The following RIOK2 variants were observed in gnomAD, a reference collection of about 807,000 sequenced individuals.
The protein encoded by RIOK2 is serine/threonine-protein kinase RIO2.
Under a neutral mutation model 62.4 loss-of-function variants are expected in RIOK2, and 46 were observed. The observed-to-expected ratio is 0.74, with a 90% confidence interval of 0.58 to 0.94. The LOEUF (loss-of-function observed/expected upper bound fraction) is 0.94, where lower values mean the gene tolerates loss of function less well. RIOK2 is among the 40% of genes least tolerant of loss of function. The pLI is 0.00. For synonymous variants in RIOK2, 197 were observed against 216.0 expected, an observed-to-expected ratio of 0.91 and a Z score of 0.77; for missense variants, 574 against 658.0, an observed-to-expected ratio of 0.87 and a Z score of 1.40.
In RIOK2 at chr5:97,165,045, A is replaced by AC. The variant is rs1561515252; in HGVS notation, c.1494+5dup. 1.3e-6 allele frequency: 2 copies of AC among 1,576,392 alleles called. No homozygotes were observed. Among genetic ancestry groups the AC allele is most frequent in the South Asian group, 2.3e-5 (2 of 87,382 alleles). Reference sequence around the variant, plus strand: ...AACATTCAGTACATGTTGAATGACTACTTACTGGAGGAATTGTTGAACAGC... The same window carrying AC: ...AACATTCAGTACATGTTGAATGACTACCTTACTGGAGGAATTGTTGAACAGC... On this transcript the variant is annotated splice_donor_region_variant and intron_variant, in intron 9 of 9. Coordinates refer to ENST00000283109, the MANE Select transcript of RIOK2 (RefSeq NM_018343.3).
At chr5:97,163,703 T>C (rs1338847861) in intron 9 of RIOK2, among the ~76,000 whole-genome samples, 2 of 152,192 alleles carry the variant, frequency 1.3e-5, no homozygotes, top group Non-Finnish European at 2.9e-5. Context: ...TACTTATCAG[T>C]TAAGATACAC....
At chr5:97,166,656 A>G (rs1324880126) in intron 8 of RIOK2, 2 of 617,508 alleles carry the variant, frequency 3.2e-6, no homozygotes, top group Non-Finnish European at 4.1e-6. Flanking sequence ...AAAAATTATT[A>G]AAAGAAAACA....
Position 97,179,064 on chromosome 5 carries a change from G to A in RIOK2, c.196C>T (p.Arg66Cys), listed in dbSNP as rs1168705752. 8 of 1,613,674 alleles carry A rather than the reference G, an allele frequency of 5.0e-6. 1 individual carries two copies. Among genetic ancestry groups the A allele is most frequent in the South Asian group, 2.2e-5 (2 of 91,036 alleles). The change falls in exon 2 of 10, where the codon CGT becomes TGT. Residue 66 changes from arginine (R) to cysteine (C), a missense_variant. Arg to Cys is a radical substitution (Grantham distance 180). Coordinates refer to ENST00000283109, the MANE Select transcript of RIOK2 (RefSeq NM_018343.3). The stretch of plus-strand genomic sequence containing the variant: ...GCCTCAAAATACTTACTTTTGGTAC[G>A]CTCCCAAGCTATGAGTTTATGTTTC... ...LVKHKLIAWE[R>C]TKTVQGYRLT...
At chr5:97,170,132 CTATTATA>C (rs1317618212) in intron 6 of RIOK2, among the ~76,000 whole-genome samples, 2 of 152,028 alleles carry the variant, frequency 1.3e-5, no homozygotes, top group Non-Finnish European at 2.9e-5. Context: ...TTAATATACT[CTATTATA>C]TAAGTGATAC....
At chr5:97,170,683 T>C (rs1748978735) in intron 6 of RIOK2, among the ~76,000 whole-genome samples, 1 of 152,226 alleles carries the variant, frequency 6.6e-6, no homozygotes, top group Non-Finnish European at 1.5e-5. Context: ...ACAGAGAAAT[T>C]CAAATTCTTA....
At chr5:97,163,246 A>C (rs1321966855) in intron 9 of RIOK2, 21 bp from the exon 10 acceptor site, 3 of 1,601,606 alleles carry the variant, frequency 1.9e-6, no homozygotes, top group Non-Finnish European at 2.6e-6. Context: ...TTCATAAATT[A>C]GTATTACTGA....
intron 1 of RIOK2, among the ~76,000 whole-genome samples, chr5:97,179,459 A>G (rs1456283199): frequency 6.6e-6 from 1 of 152,192 alleles, no homozygotes; most frequent in Non-Finnish European, 1.5e-5. Flanking sequence ...AAAATACTTG[A>G]TGACACCTAA....
chr5:97,179,085 G>A lies in RIOK2; in HGVS notation c.175C>T (p.His59Tyr). Residue 59 changes from histidine (H) to tyrosine (Y), a missense_variant, in exon 2 of 10, where the codon CAT becomes TAT. Physicochemically the swap from His to Tyr is moderately conservative, Grantham distance 83. Coordinates refer to ENST00000283109, the MANE Select transcript of RIOK2 (RefSeq NM_018343.3). ...CNKVLRELVK[H>Y]KLIAWERTKT... ...GTACGCTCCCAAGCTATGAGTTTAT[G>A]TTTCACTAATTCTCTTAAAACTTTA... is the stretch of plus-strand genomic sequence containing the variant. 1 of 1,613,804 alleles carries A rather than the reference G, an allele frequency of 6.2e-7. No homozygotes were observed. The highest frequency in any genetic ancestry group is 8.5e-7 in the Non-Finnish European group (1 of 1,179,896).
At position 97,177,222 on chromosome 5, in the gene RIOK2, G is replaced by A. The variant is rs745741062; in HGVS notation, c.392C>T (p.Ser131Leu). 10 of 1,613,584 alleles carry A rather than the reference G, an allele frequency of 6.2e-6. No individual in the cohort carries two copies. Among genetic ancestry groups the A allele is most frequent in the South Asian group, 3.3e-5 (3 of 91,072 alleles). Residue 131 changes from serine to leucine, a missense_variant, in exon 4 of 10, where the codon TCG becomes TTG. Transcript: ENST00000283109. ...GCGTTTGTTTTTCAAATTTCGAAAC[G>A]AGGTTCTTCCTAGTCTGTGAAGCTT... ...ALKLHRLGRTSFRNLKNKRDY... is the reference protein window; with the variant it reads ...ALKLHRLGRTLFRNLKNKRDY...
intron 8 of RIOK2, chr5:97,166,712 G>A (rs1254705087): frequency 1.1e-6 from 1 of 924,846 alleles, no homozygotes; most frequent in African/African-American, 1.8e-5. Flanking sequence ...AAGGATAGAA[G>A]GCTCAAGGTA....
chr5:97,177,466 G>A (rs535154981), intron 3 of RIOK2, among the ~76,000 whole-genome samples, 175 bp from the exon 4 acceptor site: 1 of 152,176 alleles, frequency 6.6e-6, no homozygotes, highest in East Asian at 1.9e-4. Context: ...TTTGGATTCT[G>A]GTATATTTGC....
chr5:97,177,068 A>C, intron 4 of RIOK2, 48 bp downstream of exon 4: 1 of 1,496,640 alleles, frequency 6.7e-7, no homozygotes, highest in Non-Finnish European at 9.2e-7. Context: ...TTTGAGACAC[A>C]TGTATTATTT....
At position 97,168,858 on chromosome 5, in the gene RIOK2, A is replaced by G. The variant is rs1484895191; in HGVS notation, c.780-6T>C. 6.5e-7 allele frequency: 1 copy of G among 1,542,442 alleles called. No homozygotes were observed. The highest frequency in any genetic ancestry group is 1.2e-5 in the South Asian group (1 of 84,514). On this transcript the variant is annotated splice_polypyrimidine_tract_variant and splice_region_variant and intron_variant, in intron 6 of 9. Coordinates refer to ENST00000283109, the MANE Select transcript of RIOK2 (RefSeq NM_018343.3). ...TAACATCTCTGTCAAAATACCTGCAAAAGCAAGAATCATTTATGATATAGT... is the reference window on the plus strand; with the variant it reads ...TAACATCTCTGTCAAAATACCTGCAGAAGCAAGAATCATTTATGATATAGT...
At chr5:97,175,284 CTTTT>C (rs1027236956) in intron 4 of RIOK2, among the ~76,000 whole-genome samples, 44 of 152,256 alleles carry the variant, frequency 2.9e-4, no homozygotes, top group African/African-American at 1.1e-3. Context: ...TTTTTAAATA[CTTTT>C]TTTCAGTGTA....
Position 97,173,184 on chromosome 5 carries a change from C to G in RIOK2, c.578G>C (p.Gly193Ala), listed in dbSNP as rs533893797. The change falls in exon 5 of 10, where the codon GGT becomes GCT. Residue 193 changes from glycine to alanine, a missense_variant. Coordinates refer to ENST00000283109, the MANE Select transcript of RIOK2 (RefSeq NM_018343.3). ...AATAATGAATACTTACAGTGGATAACCATTTATGAGTTCCATGACCACTGC... is the reference window on the plus strand; with the variant it reads ...AATAATGAATACTTACAGTGGATAAGCATTTATGAGTTCCATGACCACTGC... ...RHAVVMELINGYPLCQIHHVE... is the reference protein window; with the variant it reads ...RHAVVMELINAYPLCQIHHVE... The G allele has an allele frequency of 6.2e-7, 1 of 1,606,626 alleles. No homozygotes were observed. Among genetic ancestry groups the G allele is most frequent in the Non-Finnish European group, 8.5e-7 (1 of 1,174,196 alleles).
chr5:97,173,853 AC>A (rs759120141), intron 4 of RIOK2, among the ~76,000 whole-genome samples: 31 of 152,310 alleles, frequency 2.0e-4, no homozygotes, highest in Non-Finnish European at 4.3e-4. Flanking sequence ...GACTCTCCAT[AC>A]ATCTTTTCCC....
intron 8 of RIOK2, among the ~76,000 whole-genome samples, chr5:97,165,404 T>G (rs1354520667): frequency 2.0e-5 from 3 of 152,172 alleles, no homozygotes; most frequent in Non-Finnish European, 4.4e-5. Flanking sequence ...CCATTGAAAT[T>G]TATCACCTCC....
intron 8 of RIOK2, chr5:97,166,799 TAACTC>T: frequency 4.1e-6 from 4 of 986,620 alleles, no homozygotes; most frequent in Non-Finnish European, 4.8e-6. Flanking sequence ...TGCCTTTACA[TAACTC>T]AAACACACAT....
At chr5:97,181,169 G>A (rs1749397913) in intron 1 of RIOK2, among the ~76,000 whole-genome samples, 1 of 151,762 alleles carries the variant, frequency 6.6e-6, no homozygotes, top group African/African-American at 2.4e-5. Flanking sequence ...CTACTTGGGA[G>A]GCTGAGGCAG....
Sources: allele counts gnomAD v4.1 joint callset (sites outside exome capture counted in the v4.1 genomes callset), GRCh38; gene constraint gnomAD v4.1.1; transcripts MANE v1.5; gene names NCBI Gene and HGNC (gene_info 2026-07-23, HGNC 2026-07-21).